The following F5 variants were observed in gnomAD, a reference collection of about 807,000 sequenced individuals.
The protein encoded by F5 is activated protein c cofactor.
In F5, 138 loss-of-function variants were observed where a neutral mutation model predicts 216.4. That is an observed-to-expected ratio of 0.64 (90% CI 0.56 to 0.73). The LOEUF (loss-of-function observed/expected upper bound fraction) is 0.73, where lower values mean the gene tolerates loss of function less well. F5 is among the 30% of genes least tolerant of loss of function. The pLI, the probability that F5 is intolerant of heterozygous loss-of-function variation, is 0.00. For missense variants in F5, 2,403 were observed against 2,674.0 expected (o/e 0.90, Z 2.24); for synonymous variants, 916 against 930.7 (o/e 0.98, Z 0.29).
chr1:169,523,769 G>A, intron 20 of F5, 32 bp downstream of exon 20: 1 of 1,464,804 alleles, frequency 6.8e-7, no homozygotes. Context: ...TATTACGATA[G>A]CAGTAAATAT....
rs6005 is a variant in F5 at position 169,541,652 on chromosome 1, G to C, written c.3438C>G (p.His1146Gln). The change falls in exon 13 of 25, where the codon CAC (histidine) becomes CAG (glutamine). Residue 1146 changes from histidine to glutamine, a missense_variant. His to Gln is a conservative substitution (Grantham distance 24). Coordinates refer to ENST00000367797, the MANE Select transcript of F5 (RefSeq NM_000130.5). ...CACTGAGCTCTGGAGAAGAGGATCT[G>C]TGACTGGGGTCTGAAGTAGAGTGCA... ...DQMHSTSDPS[H>Q]RSSSPELSEM... 4.0e-3 allele frequency: 6,481 copies of C among 1,614,112 alleles called. 232 individuals are homozygous for C. In the African/African-American group the frequency reaches 0.075, roughly 19 times the overall value.
intron 5 of F5, 58 bp downstream of exon 5, chr1:169,559,095 G>A: frequency 6.2e-7 from 1 of 1,600,070 alleles, no homozygotes. Flanking sequence ...AAGAAAACAG[G>A]ACCGAAAAAT....
intron 13 of F5, among the ~76,000 whole-genome samples, chr1:169,538,085 A>G (rs1313065572): frequency 2.0e-5 from 3 of 152,194 alleles, no homozygotes; most frequent in Non-Finnish European, 2.9e-5. Flanking sequence ...CCAAATGTCT[A>G]TAAACAAATG....
intron 11 of F5, among the ~76,000 whole-genome samples, chr1:169,544,751 C>T (rs1659960765): frequency 6.6e-6 from 1 of 152,192 alleles, no homozygotes; most frequent in Non-Finnish European, 1.5e-5. Flanking sequence ...CTTCCATTTA[C>T]ATTGATTTAG....
chr1:169,576,655 G>A (rs936316518), intron 2 of F5, among the ~76,000 whole-genome samples: 3 of 151,964 alleles, frequency 2.0e-5, no homozygotes, highest in Admixed American at 6.6e-5. Context: ...CTGACATGTC[G>A]GACTCCACTG....
chr1:169,520,642 G>C lies in F5; in HGVS notation c.6071C>G (p.Ala2024Gly), dbSNP rs1557905406. 11 of 1,613,666 alleles carry C rather than the reference G, an allele frequency of 6.8e-6. No individual in the cohort carries two copies. The highest frequency in any genetic ancestry group is 9.3e-6 in the Non-Finnish European group (11 of 1,179,690). The change falls in exon 22 of 25, where the codon GCC (alanine) becomes GGC (glycine). Residue 2024 changes from alanine (A) to glycine (G), a missense_variant. This residue lies in a region of F5 where 659 missense variants were observed against 787.9 expected (regional missense o/e 0.84). Coordinates refer to ENST00000367797, the MANE Select transcript of F5 (RefSeq NM_000130.5). Reference sequence around the variant, plus strand: ...AAACTGATTCTCTTTTATTGTAGAGGCATCTGAATTGCCATTAAAATACTA... The same window carrying C: ...AAACTGATTCTCTTTTATTGTAGAGCCATCTGAATTGCCATTAAAATACTA... ...NVMYFNGNSD[A>G]STIKENQFDP... is the part of the protein sequence containing the mutation.
At chr1:169,575,741 C>T (rs562251313) in intron 2 of F5, among the ~76,000 whole-genome samples, 2 of 151,964 alleles carry the variant, frequency 1.3e-5, no homozygotes, top group African/African-American at 4.8e-5. Context: ...GAGGAGGGTG[C>T]CATTCTCTGA....
intron 21 of F5, among the ~76,000 whole-genome samples, chr1:169,521,439 C>A (rs552644407): frequency 6.6e-6 from 1 of 152,236 alleles, no homozygotes; most frequent in South Asian, 2.1e-4. Context: ...AGTGGGGAAC[C>A]TGGACTTTGA....
Position 169,541,688 on chromosome 1 carries a change from G to A in F5, c.3402C>T (p.Asp1134=), listed in dbSNP as rs373880789. The stretch of plus-strand genomic sequence containing the variant: ...CTGAAGTAGAGTGCATTTGATCAGG[G>A]TCTTGAATGGGGAATGTTTGATAGT... ...EEHYQTFPIQ[D]PDQMHSTSDP... The change falls in exon 13 of 25, where the codon GAC becomes GAT. Residue 1134 remains aspartate, a synonymous_variant. Coordinates refer to ENST00000367797, the MANE Select transcript of F5 (RefSeq NM_000130.5). The A allele has an allele frequency of 6.2e-7, 1 of 1,614,074 alleles. No individual in the cohort carries two copies.
chr1:169,563,492 G>C (rs1193870821), intron 3 of F5, among the ~76,000 whole-genome samples: 6 of 151,998 alleles, frequency 3.9e-5, no homozygotes, highest in African/African-American at 9.7e-5. Flanking sequence ...CTGATGCTCT[G>C]TTCACTTTCT....
chr1:169,548,888 AAC>A (rs1403260242), intron 10 of F5, among the ~76,000 whole-genome samples: 4 of 151,922 alleles, frequency 2.6e-5, no homozygotes, highest in African/African-American at 7.3e-5. Context: ...AAAAAAAAAA[AAC>A]AAATCCCAAA....
chr1:169,544,691 A>G (rs1659959520), intron 11 of F5, among the ~76,000 whole-genome samples, 183 bp from the exon 12 acceptor site: 1 of 152,244 alleles, frequency 6.6e-6, no homozygotes, highest in African/African-American at 2.4e-5. Context: ...CAAATGAGAG[A>G]TTATTCTCCT....
intron 11 of F5, 62 bp downstream of exon 11, chr1:169,546,380 C>G: frequency 2.5e-6 from 4 of 1,588,956 alleles, no homozygotes; most frequent in Non-Finnish European, 3.5e-6. Context: ...TGACTCTAGG[C>G]ACAGTCATAT....
At chr1:169,584,264 T>C (rs1661051918) in intron 1 of F5, among the ~76,000 whole-genome samples, 1 of 152,250 alleles carries the variant, frequency 6.6e-6, no homozygotes, top group Non-Finnish European at 1.5e-5. Context: ...GAACAATTTC[T>C]ATTGGAAAAT....
chr1:169,551,449 G>T lies in F5; in HGVS notation c.1297-710C>A, dbSNP rs183648576. ...TGGGTGACAGAGTAAGACCCTTGGT[G>T]GGGGGGAAAAGCTACTTGCTTGAGA... On this transcript the variant is annotated intron_variant, in intron 8 of 24. Transcript: ENST00000367797. Among the ~76,000 whole-genome samples, 458 of 152,222 alleles carry T rather than the reference G, an allele frequency of 3.0e-3. 1 individual carries two copies. The highest frequency in any genetic ancestry group is 4.8e-3 in the Non-Finnish European group (329 of 68,012).
At position 169,544,491 on chromosome 1, in the gene F5, G is replaced by C. The variant is rs768103816; in HGVS notation, c.1780C>G (p.Pro594Ala). ...NIMSTINGYV[P>A]ESITTLGFCF... Reference sequence around the variant, plus strand: ...AATCCAAGAGTAGTTATGCTCTCAGGCACATAGCCATTGATAGCTGAAAGT... The same window carrying C: ...AATCCAAGAGTAGTTATGCTCTCAGCCACATAGCCATTGATAGCTGAAAGT... The change falls in exon 12 of 25, where the codon CCT (proline) becomes GCT (alanine). Residue 594 changes from proline to alanine, a missense_variant. Transcript: ENST00000367797. The C allele has an allele frequency of 4.3e-6, 7 of 1,613,844 alleles. No individual in the cohort carries two copies. In the South Asian group the frequency reaches 7.7e-5, roughly 18 times the overall value.
rs536423692 is a variant in F5, at chr1:169,513,927, T to C, written c.*386A>G. 3.3e-5 allele frequency among the ~76,000 whole-genome samples: 5 copies of C among 152,294 alleles called. No homozygotes were observed. The South Asian group carries it at 1.0e-3, about 32-fold the overall frequency. The stretch of plus-strand genomic sequence containing the variant: ...AAAAATCATGTGTTTGTGAAAGTTA[T>C]CCAGGTCTATCAATTATTATTTAAA... On this transcript the variant is annotated 3_prime_UTR_variant, in exon 25 of 25. Transcript: ENST00000367797.
At chr1:169,546,670 A>T in intron 10 of F5, 78 bp from the exon 11 acceptor site, 1 of 1,271,592 alleles carries the variant, frequency 7.9e-7, no homozygotes, top group South Asian at 1.2e-5. Flanking sequence ...ACTCAGAAAT[A>T]AGGCTGCGCA....
In F5 at chr1:169,516,778, C is replaced by G. The variant is rs574250478; in HGVS notation, c.6346-1152G>C. Among the ~76,000 whole-genome samples, 336 of 152,166 alleles carry G rather than the reference C, an allele frequency of 2.2e-3. 2 individuals are homozygous for G. The highest frequency in any genetic ancestry group is 7.9e-3 in the African/African-American group (326 of 41,518). On this transcript the variant is annotated intron_variant, in intron 23 of 24. Transcript: ENST00000367797. ...TTGATTTTCAACCTCTCTAAAGAGA[C>G]CATATAAAGACATTTCATGTGAATG... is the stretch of plus-strand genomic sequence containing the variant.
Sources: allele counts gnomAD v4.1 joint callset (sites outside exome capture counted in the v4.1 genomes callset), GRCh38; gene constraint gnomAD v4.1.1; regional missense constraint gnomAD v4.1.1; transcripts MANE v1.5; gene names NCBI Gene and HGNC (gene_info 2026-07-23, HGNC 2026-07-21).